ANKS1B: variants seen among roughly 807,000 people sequenced by gnomAD.
ANKS1B encodes the protein ankyrin repeat and sterile alpha motif domain-containing protein 1B.
ANKS1B carries 36 observed loss-of-function variants against 148.3 expected under a neutral mutation model. That is an observed-to-expected ratio of 0.24 (90% CI 0.19 to 0.32). The LOEUF (loss-of-function observed/expected upper bound fraction) is 0.32. Among genes scored for constraint, ANKS1B ranks in the 10% least tolerant of loss-of-function variants. The pLI, the probability that ANKS1B is intolerant of heterozygous loss-of-function variation, is 1.00. For missense variants in ANKS1B, 1,157 were observed against 1,542.6 expected, an observed-to-expected ratio of 0.75 and a Z score of 4.19; for synonymous variants, 542 against 560.8, an observed-to-expected ratio of 0.97 and a Z score of 0.47.
chr12:99,207,221 A>T (rs1434175436), intron 14 of ANKS1B, among the ~76,000 whole-genome samples: 1 of 152,194 alleles, frequency 6.6e-6, no homozygotes, highest in Non-Finnish European at 1.5e-5. Context: ...GAACTACTTT[A>T]ATGGCTATGT....
chr12:99,437,500 A>C (rs1465591364), intron 11 of ANKS1B, among the ~76,000 whole-genome samples: 1 of 151,902 alleles, frequency 6.6e-6, no homozygotes, highest in East Asian at 1.9e-4. Flanking sequence ...TTGTGCCAAA[A>C]TAGCCTCTTT....
intron 1 of ANKS1B, among the ~76,000 whole-genome samples, chr12:99,834,574 T>G (rs2084529850): frequency 6.6e-6 from 1 of 152,170 alleles, no homozygotes; most frequent in African/African-American, 2.4e-5. Flanking sequence ...AGGACATTCA[T>G]TAGTCAGAAT....
intron 17 of ANKS1B, among the ~76,000 whole-genome samples, chr12:98,960,448 A>G (rs985188145): frequency 6.6e-6 from 1 of 152,182 alleles, no homozygotes; most frequent in Non-Finnish European, 1.5e-5. Context: ...GTGCCCCCTA[A>G]TGCAGTTATG....
chr12:99,758,791 T>C (rs2061807388), intron 8 of ANKS1B, among the ~76,000 whole-genome samples: 2 of 151,906 alleles, frequency 1.3e-5, no homozygotes, highest in African/African-American at 2.4e-5. Context: ...ATGCAAGGAC[T>C]CTTTAATGTA....
chr12:99,029,501 A>G (rs927764208), intron 17 of ANKS1B, among the ~76,000 whole-genome samples: 5 of 152,226 alleles, frequency 3.3e-5, no homozygotes, highest in Non-Finnish European at 7.3e-5. Context: ...GAGCACTGTT[A>G]TCTTTCTCCC....
intron 16 of ANKS1B, among the ~76,000 whole-genome samples, chr12:99,077,353 TA>T (rs1156558095): frequency 6.6e-6 from 1 of 152,004 alleles, no homozygotes; most frequent in Non-Finnish European, 1.5e-5. Context: ...ATAAAAAGAA[TA>T]AAAAGAAATG....
intron 17 of ANKS1B, among the ~76,000 whole-genome samples, chr12:98,941,498 C>A (rs2153018620): frequency 6.6e-6 from 1 of 152,346 alleles, no homozygotes; most frequent in Non-Finnish European, 1.5e-5. Context: ...CCAACTCAAC[C>A]TTTTTGCTGC....
chr12:99,747,931 G>T (rs1388393277), intron 8 of ANKS1B, among the ~76,000 whole-genome samples: 1 of 152,032 alleles, frequency 6.6e-6, no homozygotes, highest in African/African-American at 2.4e-5. Context: ...AAAGTCAGGA[G>T]AAGAAGAATA....
intron 25 of ANKS1B, among the ~76,000 whole-genome samples, chr12:98,772,278 G>T (rs1222860623): frequency 3.9e-5 from 6 of 152,166 alleles, no homozygotes; most frequent in Non-Finnish European, 7.3e-5. Context: ...AGGTCATTGG[G>T]GTGGGCCCTG....
chr12:99,649,346 T>A lies in ANKS1B; in HGVS notation c.1272+5721A>T, dbSNP rs775832247. 5.1e-5 allele frequency: 82 copies of A among 1,614,068 alleles called. No individual in the cohort carries two copies. Among genetic ancestry groups the A allele is most frequent in the Non-Finnish European group, 6.8e-5 (80 of 1,180,024 alleles). On this transcript the variant is annotated intron_variant, in intron 9 of 26. Coordinates refer to ENST00000683438, the MANE Select transcript of ANKS1B (RefSeq NM_001352186.2). The stretch of plus-strand genomic sequence containing the variant: ...CAATTCAGAATCAGTAGACTTCACA[T>A]GAATGCTGAAATGTTTGGGTCCACC...
At chr12:98,821,636 T>G (rs1052860724) in intron 19 of ANKS1B, among the ~76,000 whole-genome samples, 1 of 152,050 alleles carries the variant, frequency 6.6e-6, no homozygotes, top group Non-Finnish European at 1.5e-5. Flanking sequence ...TGAGACAGAG[T>G]CTTGCTCTGT....
At chr12:98,970,156 A>T (rs564718040) in intron 17 of ANKS1B, among the ~76,000 whole-genome samples, 15 of 152,314 alleles carry the variant, frequency 9.8e-5, no homozygotes, top group African/African-American at 2.9e-4. Flanking sequence ...ATATGTATTT[A>T]CATTTTTCAT....
intron 14 of ANKS1B, among the ~76,000 whole-genome samples, chr12:99,189,645 C>A (rs1361182074): frequency 1.3e-5 from 2 of 152,058 alleles, no homozygotes; most frequent in African/African-American, 4.8e-5. Context: ...ATTCAACAGC[C>A]CTTCATCTAA....
rs534368988 is a variant in ANKS1B at position 99,280,203 on chromosome 12, T to TGA, written c.1757-33341_1757-33340dup. 6.7e-3 allele frequency among the ~76,000 whole-genome samples: 1,005 copies of TGA among 150,988 alleles called. 16 individuals carry two copies. The highest frequency in any genetic ancestry group is 0.023 in the African/African-American group (927 of 41,156). ...GTGTGTGTACGTGCATGTGTGTGTG[T>TGA]GAGAGAGAGAGAGAAAGAGAAAGAG... On this transcript the variant is annotated intron_variant, in intron 12 of 26. Transcript: ENST00000683438.
intron 17 of ANKS1B, among the ~76,000 whole-genome samples, chr12:98,887,333 G>A (rs546339192): frequency 3.3e-5 from 5 of 152,216 alleles, no homozygotes; most frequent in African/African-American, 4.8e-5. Flanking sequence ...GGTGATTTGC[G>A]TTTTCCCATG....
At chr12:99,446,238 G>A (rs867770250) in intron 10 of ANKS1B, among the ~76,000 whole-genome samples, 22 of 152,062 alleles carry the variant, frequency 1.4e-4, no homozygotes, top group South Asian at 4.1e-4. Flanking sequence ...GGGCATGAAG[G>A]TAGGAAGAGC....
intron 17 of ANKS1B, among the ~76,000 whole-genome samples, chr12:98,834,873 C>G (rs529245516): frequency 2.0e-5 from 3 of 152,090 alleles, no homozygotes; most frequent in Non-Finnish European, 4.4e-5. Flanking sequence ...AATATGATAA[C>G]CTTTTCAAAG....
chr12:99,366,322 T>C lies in ANKS1B; in HGVS notation c.1756+33309A>G, dbSNP rs538031021. Reference sequence around the variant, plus strand: ...CCGGGCTCTGATAACCACCATTTCCTTTTGTCTCTCAGCCTCAGGACACTA... The same window carrying C: ...CCGGGCTCTGATAACCACCATTTCCCTTTGTCTCTCAGCCTCAGGACACTA... On this transcript the variant is annotated intron_variant, in intron 12 of 26. Coordinates refer to ENST00000683438, the MANE Select transcript of ANKS1B (RefSeq NM_001352186.2). Among the ~76,000 whole-genome samples, 7 of 152,346 alleles carry C rather than the reference T, an allele frequency of 4.6e-5. 1 individual carries two copies. The highest frequency in any genetic ancestry group is 1.7e-4 in the African/African-American group (7 of 41,576).
At chr12:99,019,716 T>C (rs2099944653) in intron 17 of ANKS1B, among the ~76,000 whole-genome samples, 1 of 152,202 alleles carries the variant, frequency 6.6e-6, no homozygotes, top group African/African-American at 2.4e-5. Context: ...GGACTTTATA[T>C]GCATTAATTT....
Sources: gnomAD v4.1 joint callset for allele counts (sites outside exome capture counted in the v4.1 genomes callset) on GRCh38, gnomAD v4.1.1 for gene constraint, MANE v1.5 for transcripts, NCBI Gene and HGNC (gene_info 2026-07-23, HGNC 2026-07-21) for gene names.